Variants in FAM221A observed in about 807,000 individuals in gnomAD.
The protein encoded by FAM221A is protein FAM221A.
A neutral mutation model predicts 37.6 loss-of-function variants in FAM221A; 43 were observed. The observed-to-expected ratio is 1.15, with a 90% CI of 0.90 to 1.48. FAM221A has a LOEUF of 1.48. Among genes scored for constraint, FAM221A ranks in the 40% most tolerant of loss-of-function variants. The pLI, the probability that FAM221A is intolerant of heterozygous loss-of-function variation, is 0.00. For missense variants in FAM221A, 361 were observed against 361.5 expected (o/e 1.00, Z 0.01); for synonymous variants, 135 against 132.9 (o/e 1.02, Z -0.11).
intron 2 of FAM221A, chr7:23,688,056 T>A (rs529611646): frequency 6.6e-6 from 1 of 152,210 alleles, no homozygotes; most frequent in East Asian, 1.9e-4. Flanking sequence ...TCTTTTTTTT[T>A]TCTTTTGAGA....
At position 23,689,304 on chromosome 7, in the gene FAM221A, C is replaced by T. The variant is rs146280373; in HGVS notation, c.275C>T (p.Pro92Leu). Residue 92 changes from proline (P) to leucine (L), a missense_variant, in exon 3 of 7, where the codon CCT becomes CTT. Transcript: ENST00000344962. ...KQHKTDLEAI[P>L]QQCPIDLPCQ... ...CATAAAACTGACTTGGAAGCGATTC[C>T]TCAGCAGTGCCCCATTGATCTGCCC... The T allele has an allele frequency of 4.8e-4, 760 of 1,572,238 alleles. 4 individuals are homozygous for T. In the Middle Eastern group the frequency reaches 8.3e-3, roughly 17 times the overall value.
At chr7:23,694,203 T>C (rs1454309735) in intron 4 of FAM221A, 1 of 152,210 alleles carries the variant, frequency 6.6e-6, no homozygotes, top group Non-Finnish European at 1.5e-5. Context: ...TAGTATTCTG[T>C]GGAAACTACC....
chr7:23,689,211 G>A, intron 2 of FAM221A, 58 bp from the exon 3 acceptor site: 3 of 1,141,646 alleles, frequency 2.6e-6, no homozygotes, highest in East Asian at 2.4e-5. Context: ...AATAGAAATT[G>A]TAATTTTTGA....
chr7:23,687,833 G>C (rs2128039531), intron 2 of FAM221A: 1 of 151,574 alleles, frequency 6.6e-6, no homozygotes, highest in East Asian at 2.0e-4. Flanking sequence ...TAGTAGAGAT[G>C]GGGTTTTCAT....
chr7:23,689,543 AGAGTT>A, intron 3 of FAM221A, 84 bp downstream of exon 3: 2 of 1,014,254 alleles, frequency 2.0e-6, no homozygotes, highest in Non-Finnish European at 2.8e-6. Flanking sequence ...TACTGGTTGT[AGAGTT>A]AATATTCAGT....
intron 4 of FAM221A, chr7:23,692,345 CTT>C (rs1200114787): frequency 1.7e-3 from 643 of 376,326 alleles, no homozygotes; most frequent in Non-Finnish European, 2.1e-3. Flanking sequence ...CTTTTCTTTT[CTT>C]TTTTTTTTTT....
chr7:23,696,755 A>C (rs1785083378), intron 4 of FAM221A, among the ~76,000 whole-genome samples: 1 of 152,176 alleles, frequency 6.6e-6, no homozygotes, highest in Non-Finnish European at 1.5e-5. Context: ...AAGGAGAGGA[A>C]ATATAAGATG....
intron 1 of FAM221A, among the ~76,000 whole-genome samples, chr7:23,681,449 T>C (rs1015566676): frequency 2.6e-5 from 4 of 152,206 alleles, no homozygotes; most frequent in Admixed American, 2.6e-4. Flanking sequence ...TGAGACGGGG[T>C]CTGACTCTTT....
At chr7:23,686,267 CT>C (rs199776307) in intron 2 of FAM221A, 37,539 of 365,992 alleles carry the variant, frequency 0.1, no homozygotes, top group South Asian at 0.14. Context: ...TCCAACTCAA[CT>C]TTTTTTTTTT....
Position 23,689,406 on chromosome 7 carries a change from GCAAA to G in FAM221A, c.380_383del (p.Lys127ThrfsTer41). The G allele has an allele frequency of 6.2e-7, 1 of 1,606,282 alleles. No individual in the cohort carries two copies. The highest frequency in any genetic ancestry group is 1.1e-5 in the South Asian group (1 of 90,610). On this transcript the variant is annotated frameshift_variant, in exon 3 of 7. Transcript: ENST00000344962. LOFTEE classifies it high-confidence loss of function. Reference sequence around the variant, plus strand: ...GGTAGCCAGCCCATTCGCTGCAGGTGCAAACACTTTGCTGATCAGCACAGTGCTG... The same window carrying G: ...GGTAGCCAGCCCATTCGCTGCAGGTGCACTTTGCTGATCAGCACAGTGCTG...
chr7:23,683,942 TA>T (rs1784209762), intron 1 of FAM221A, among the ~76,000 whole-genome samples: 1 of 152,228 alleles, frequency 6.6e-6, no homozygotes. Flanking sequence ...TGCATTTATC[TA>T]AAGACATAAA....
chr7:23,684,463 C>G (rs753769000), intron 1 of FAM221A, 36 bp from the exon 2 acceptor site: 5 of 1,505,464 alleles, frequency 3.3e-6, no homozygotes, highest in Non-Finnish European at 4.5e-6. Context: ...AAAATAAATA[C>G]TCAAAGCTTA....
chr7:23,689,433 C>T lies in FAM221A; in HGVS notation c.404C>T (p.Ala135Val). 6.4e-7 allele frequency: 1 copy of T among 1,573,676 alleles called. No individual in the cohort carries two copies. The highest frequency in any genetic ancestry group is 2.3e-5 in the East Asian group (1 of 43,982). ...RCKHFADQHS[A>V]APGFTCNTCS... ...AAACACTTTGCTGATCAGCACAGTG[C>T]TGCGCCTGGCTTTACATGCAATACA... is the stretch of plus-strand genomic sequence containing the variant. Residue 135 changes from alanine (A) to valine (V), a missense_variant, in exon 3 of 7, where the codon GCT becomes GTT. Coordinates refer to ENST00000344962, the MANE Select transcript of FAM221A (RefSeq NM_199136.5).
rs1206970910 is a variant in FAM221A, at chr7:23,680,230, G to T, written c.12G>T (p.Leu4Phe). 6.5e-7 allele frequency: 1 copy of T among 1,549,902 alleles called. No homozygotes were observed. The highest frequency in any genetic ancestry group is 2.0e-5 in the Admixed American group (1 of 50,984). ...CTTCCCCACCGGCAATGGAGCGGTT[G>T]ACGTTGCCTCTCGGCGGCGCGGCGG... MER[L>F]TLPLGGAAAV... Residue 4 changes from leucine to phenylalanine, a missense_variant, in exon 1 of 7, where the codon TTG becomes TTT. Transcript: ENST00000344962.
intron 5 of FAM221A, among the ~76,000 whole-genome samples, chr7:23,699,414 C>T (rs552015696): frequency 1.3e-5 from 2 of 152,106 alleles, no homozygotes; most frequent in South Asian, 2.1e-4. Context: ...TGTCACTGCT[C>T]CTGGCCTGGC....
intron 3 of FAM221A, among the ~76,000 whole-genome samples, chr7:23,690,199 A>ATATATATATTTTTTT (rs774313037): frequency 4.1e-5 from 2 of 48,736 alleles, no homozygotes; most frequent in East Asian, 8.5e-4. Flanking sequence ...ATATATATAT[A>ATATATATATTTTTTT]TTTTTTTTTT....
rs2128053531 is a variant in FAM221A at position 23,702,186 on chromosome 7, C to T, written c.*22C>T. 1 of 1,476,638 alleles carries T rather than the reference C, an allele frequency of 6.8e-7. No individual in the cohort carries two copies. Among genetic ancestry groups the T allele is most frequent in the South Asian group, 1.3e-5 (1 of 77,808 alleles). 91.5% of individuals were successfully genotyped at this position (1,476,638 alleles called of 1,614,324 possible). Reference sequence around the variant, plus strand: ...ATGAAGACTATTGGAGAAATTAAAACCATCATCCAAGTATCTTTTTCATGT... The same window carrying T: ...ATGAAGACTATTGGAGAAATTAAAATCATCATCCAAGTATCTTTTTCATGT... On this transcript the variant is annotated 3_prime_UTR_variant, in exon 7 of 7. Transcript: ENST00000344962.
chr7:23,698,912 T>G (rs1449033932), intron 5 of FAM221A, among the ~76,000 whole-genome samples: 1 of 152,132 alleles, frequency 6.6e-6, no homozygotes, highest in Non-Finnish European at 1.5e-5. Flanking sequence ...TGATAAAATA[T>G]ATATACAAGT....
At chr7:23,701,004 G>A in intron 6 of FAM221A, 136 bp downstream of exon 6, 1 of 600,646 alleles carries the variant, frequency 1.7e-6, no homozygotes, top group South Asian at 2.5e-5. Context: ...TAGGCCTTGA[G>A]GCTTATTAGA....
Sources: allele counts gnomAD v4.1 joint callset (sites outside exome capture counted in the v4.1 genomes callset), GRCh38; gene constraint gnomAD v4.1.1; transcripts MANE v1.5; gene names NCBI Gene and HGNC (gene_info 2026-07-23, HGNC 2026-07-21).